MAGI2: variants seen among roughly 807,000 people sequenced by gnomAD.
MAGI2 encodes membrane associated guanylate kinase, WW and PDZ domain containing 2, also known as membrane-associated guanylate kinase, WW and PDZ domain-containing protein 2.
MAGI2 carries 35 observed loss-of-function variants against 133.3 expected under a neutral mutation model. That is an observed-to-expected ratio of 0.26 (90% CI 0.20 to 0.35). MAGI2 has a LOEUF of 0.35. MAGI2 is among the 10% of genes least tolerant of loss of function. MAGI2 has a pLI of 1.00. For synonymous variants in MAGI2, 729 were observed against 710.6 expected, an observed-to-expected ratio of 1.03 and a Z score of -0.41; for missense variants, 1,636 against 1,863.4, an observed-to-expected ratio of 0.88 and a Z score of 2.25.
At chr7:78,734,827 G>A (rs764047176) in intron 2 of MAGI2, among the ~76,000 whole-genome samples, 1 of 152,108 alleles carries the variant, frequency 6.6e-6, no homozygotes, top group Non-Finnish European at 1.5e-5. Flanking sequence ...GTCATCCTGA[G>A]GTCAGTGAGT....
chr7:78,052,548 A>C (rs1812122605), intron 21 of MAGI2, among the ~76,000 whole-genome samples: 1 of 152,226 alleles, frequency 6.6e-6, no homozygotes, highest in East Asian at 1.9e-4. Flanking sequence ...TATAGCAACA[A>C]AACAAACTAA....
chr7:78,303,387 A>C (rs1379463205), intron 9 of MAGI2, among the ~76,000 whole-genome samples: 1 of 150,132 alleles, frequency 6.7e-6, no homozygotes, highest in Non-Finnish European at 1.5e-5. Flanking sequence ...CCAAAAAAAA[A>C]AAAAAAAAAA....
At chr7:79,313,625 T>C (rs570332998) in intron 1 of MAGI2, among the ~76,000 whole-genome samples, 2 of 152,248 alleles carry the variant, frequency 1.3e-5, no homozygotes, top group South Asian at 4.1e-4. Context: ...AGGATAAAGA[T>C]AATAAGGAGA....
chr7:78,656,217 A>ATGAATTCTGGACCTCTGT (rs1452214366), intron 2 of MAGI2, among the ~76,000 whole-genome samples: 1 of 152,156 alleles, frequency 6.6e-6, no homozygotes, highest in Non-Finnish European at 1.5e-5. Flanking sequence ...GGCAAGTTAC[A>ATGAATTCTGGACCTCTGT]TGAATTCTGG....
At chr7:78,740,159 T>TAA (rs1211881071) in intron 2 of MAGI2, among the ~76,000 whole-genome samples, 10 of 138,680 alleles carry the variant, frequency 7.2e-5, no homozygotes, top group South Asian at 2.3e-4. Flanking sequence ...AGACTCTGTC[T>TAA]AAAAAAAAAA....
intron 1 of MAGI2, among the ~76,000 whole-genome samples, chr7:79,093,108 GC>G (rs1041446978): frequency 1.5e-4 from 22 of 151,678 alleles, no homozygotes; most frequent in African/African-American, 4.8e-4. Context: ...GGCAACTAAG[GC>G]CCTGTTCCTT....
intron 1 of MAGI2, among the ~76,000 whole-genome samples, chr7:79,182,048 G>C (rs1826668965): frequency 6.6e-6 from 1 of 151,888 alleles, no homozygotes; most frequent in Non-Finnish European, 1.5e-5. Context: ...AGTCTCGAGG[G>C]AGCTCTAAAC....
At chr7:78,909,445 CA>C (rs1030762637) in intron 2 of MAGI2, among the ~76,000 whole-genome samples, 1 of 130,932 alleles carries the variant, frequency 7.6e-6, no homozygotes, top group Non-Finnish European at 1.7e-5. Flanking sequence ...AAAAAAAAAA[CA>C]AAAAAAATTA....
At chr7:78,619,877 G>A (rs38111) in intron 3 of MAGI2, among the ~76,000 whole-genome samples, 94,914 of 151,666 alleles carry the variant, frequency 0.63, 30,186 homozygotes, top group Middle Eastern at 0.74. Context: ...ATCAGTAAAC[G>A]GTCAGTGTTC....
At chr7:78,067,802 G>A (rs1194795644) in intron 21 of MAGI2, among the ~76,000 whole-genome samples, 1 of 152,206 alleles carries the variant, frequency 6.6e-6, no homozygotes, top group Non-Finnish European at 1.5e-5. Context: ...ATCAGAACAG[G>A]ACATTGGGGC....
intron 1 of MAGI2, among the ~76,000 whole-genome samples, chr7:79,135,997 A>AAGAGAG (rs1156269913): frequency 8.5e-5 from 4 of 47,312 alleles, no homozygotes; most frequent in African/African-American, 2.2e-4. Context: ...GAAAGAAAGA[A>AAGAGAG]AGAAAGAGAA....
At chr7:78,414,616 T>G (rs1468350473) in intron 6 of MAGI2, among the ~76,000 whole-genome samples, 4 of 151,646 alleles carry the variant, frequency 2.6e-5, no homozygotes. Flanking sequence ...ACACACATGC[T>G]GTTGTACACA....
At chr7:78,597,010 C>T (rs557304193) in intron 3 of MAGI2, among the ~76,000 whole-genome samples, 20 of 152,096 alleles carry the variant, frequency 1.3e-4, no homozygotes, top group South Asian at 8.3e-4. Context: ...ACCTCTCCCA[C>T]GTTTGGAAGT....
At chr7:78,635,074 T>C (rs1809484706) in intron 2 of MAGI2, among the ~76,000 whole-genome samples, 1 of 152,246 alleles carries the variant, frequency 6.6e-6, no homozygotes, top group African/African-American at 2.4e-5. Flanking sequence ...AAGTACTGTA[T>C]GAACAACACC....
chr7:78,211,308 A>G (rs984238958), intron 10 of MAGI2, among the ~76,000 whole-genome samples: 2 of 152,190 alleles, frequency 1.3e-5, no homozygotes, highest in Admixed American at 6.5e-5. Flanking sequence ...TGGTAAGATC[A>G]ATGGGAATCT....
intron 1 of MAGI2, among the ~76,000 whole-genome samples, chr7:79,230,013 A>G (rs562068197): frequency 1.4e-5 from 2 of 138,394 alleles, no homozygotes; most frequent in Non-Finnish European, 3.1e-5. Flanking sequence ...TCATTGTTCA[A>G]TTCCCACCTA....
intron 1 of MAGI2, among the ~76,000 whole-genome samples, chr7:79,418,910 A>G (rs1472196961): frequency 6.6e-6 from 1 of 151,198 alleles, no homozygotes; most frequent in Non-Finnish European, 1.5e-5. Flanking sequence ...TCATAAAAAG[A>G]ATTTACAAGC....
intron 11 of MAGI2, among the ~76,000 whole-genome samples, chr7:78,200,610 A>C (rs770479968): frequency 1.3e-5 from 2 of 152,264 alleles, no homozygotes; most frequent in Non-Finnish European, 2.9e-5. Flanking sequence ...TATATACACA[A>C]AGACACATAC....
At chr7:78,154,660 CA>C (rs1240807081) in intron 16 of MAGI2, among the ~76,000 whole-genome samples, 1 of 152,072 alleles carries the variant, frequency 6.6e-6, no homozygotes, top group Non-Finnish European at 1.5e-5. Context: ...TATATTCCGG[CA>C]TAACCTCCTG....
Sources: allele counts gnomAD v4.1 joint callset (sites outside exome capture counted in the v4.1 genomes callset), GRCh38; gene constraint gnomAD v4.1.1; transcripts MANE v1.5; gene names NCBI Gene and HGNC (gene_info 2026-07-23, HGNC 2026-07-21).